Variants in FBXL17 observed in about 807,000 individuals in gnomAD.
FBXL17 encodes F-box and leucine rich repeat protein 17.
A neutral mutation model predicts 66.2 loss-of-function variants in FBXL17; 22 were observed. The ratio of observed to expected loss-of-function variants is 0.33; its 90% CI spans 0.24 to 0.47. The LOEUF (loss-of-function observed/expected upper bound fraction) is 0.47, where lower values mean the gene tolerates loss of function less well. Ranked by LOEUF, FBXL17 falls within the 20% of genes least tolerant of loss-of-function variation. The pLI is 1.00. For missense variants in FBXL17, 878 were observed against 948.2 expected, an observed-to-expected ratio of 0.93 and a Z score of 0.97; for synonymous variants, 474 against 400.5, an observed-to-expected ratio of 1.18 and a Z score of -2.19.
chr5:108,121,236 G>A (rs111869062), intron 6 of FBXL17, among the ~76,000 whole-genome samples: 15 of 152,162 alleles, frequency 9.9e-5, no homozygotes, highest in African/African-American at 3.6e-4. Context: ...GCTGAGGCAG[G>A]AGAATCACTT....
intron 4 of FBXL17, among the ~76,000 whole-genome samples, chr5:108,323,184 A>ATGATATTGT (rs1404170928): frequency 3.3e-5 from 5 of 151,968 alleles, no homozygotes; most frequent in African/African-American, 1.2e-4. Context: ...CACAGATGAC[A>ATGATATTGT]TGATATTGTA....
intron 7 of FBXL17, among the ~76,000 whole-genome samples, chr5:107,960,699 T>C (rs1384981531): frequency 1.3e-5 from 2 of 152,062 alleles, no homozygotes; most frequent in Admixed American, 1.3e-4. Flanking sequence ...AAATAAAAAA[T>C]ACAAATCCAG....
chr5:108,077,937 C>T lies in FBXL17; in HGVS notation c.1746-56936G>A, dbSNP rs376115556. 3.2e-4 allele frequency among the ~76,000 whole-genome samples: 48 copies of T among 152,270 alleles called. No homozygotes were observed. The South Asian group carries it at 7.2e-3, about 23-fold the overall frequency. On this transcript the variant is annotated intron_variant, in intron 6 of 8. Coordinates refer to ENST00000542267, the MANE Select transcript of FBXL17 (RefSeq NM_001163315.3). ...TGAACTTCAGGAGAACGCACACCAACTTACATATAAGCAGCCTTCATGTCT... is the reference window on the plus strand; with the variant it reads ...TGAACTTCAGGAGAACGCACACCAATTTACATATAAGCAGCCTTCATGTCT...
At chr5:108,294,122 T>C (rs991206790) in intron 4 of FBXL17, among the ~76,000 whole-genome samples, 1 of 148,598 alleles carries the variant, frequency 6.7e-6, no homozygotes, top group Non-Finnish European at 1.5e-5. Flanking sequence ...AGACATGATA[T>C]TAAAAAAACT....
At chr5:108,283,003 T>G (rs1005355194) in intron 4 of FBXL17, among the ~76,000 whole-genome samples, 1 of 150,914 alleles carries the variant, frequency 6.6e-6, no homozygotes, top group African/African-American at 2.4e-5. Flanking sequence ...AACTGTATTA[T>G]AGATGACAAA....
At chr5:108,119,039 A>C (rs1489775795) in intron 6 of FBXL17, among the ~76,000 whole-genome samples, 3 of 152,108 alleles carry the variant, frequency 2.0e-5, no homozygotes, top group African/African-American at 7.2e-5. Flanking sequence ...AAAGGCACTC[A>C]TTTCAAATTG....
chr5:108,303,920 C>A (rs1758717565), intron 4 of FBXL17, among the ~76,000 whole-genome samples: 1 of 151,966 alleles, frequency 6.6e-6, no homozygotes, highest in Non-Finnish European at 1.5e-5. Context: ...GTAACAAAAT[C>A]TCTCTGGCAT....
chr5:108,096,084 G>T (rs1189749893), intron 6 of FBXL17, among the ~76,000 whole-genome samples: 1 of 152,126 alleles, frequency 6.6e-6, no homozygotes, highest in African/African-American at 2.4e-5. Context: ...ACGCTTGTTT[G>T]CAATTCCATA....
At chr5:107,886,915 C>CAAAAA (rs33943440) in intron 7 of FBXL17, among the ~76,000 whole-genome samples, 44 of 129,652 alleles carry the variant, frequency 3.4e-4, no homozygotes, top group African/African-American at 1.2e-3. Flanking sequence ...TAATGAAATA[C>CAAAAA]AAAAAAAAAA....
At chr5:108,315,957 A>T (rs1369195485) in intron 4 of FBXL17, among the ~76,000 whole-genome samples, 1 of 151,480 alleles carries the variant, frequency 6.6e-6, no homozygotes, top group African/African-American at 2.4e-5. Flanking sequence ...TGGGCACAAA[A>T]CATAATTGGA....
At chr5:108,133,392 T>C (rs1279488496) in intron 6 of FBXL17, among the ~76,000 whole-genome samples, 1 of 152,190 alleles carries the variant, frequency 6.6e-6, no homozygotes, top group Admixed American at 6.5e-5. Context: ...ATTTGAATTC[T>C]ATGTGCCATG....
chr5:108,334,878 C>T (rs567644493), intron 4 of FBXL17, among the ~76,000 whole-genome samples: 2 of 152,138 alleles, frequency 1.3e-5, no homozygotes, highest in Admixed American at 6.5e-5. Context: ...CGAAGTCTTA[C>T]GCGGACCACG....
At chr5:108,101,028 A>C (rs553039170) in intron 6 of FBXL17, among the ~76,000 whole-genome samples, 45 of 152,324 alleles carry the variant, frequency 3.0e-4, no homozygotes, top group African/African-American at 1.0e-3. Flanking sequence ...GAAACAGTGA[A>C]TGTCTACACT....
chr5:108,372,451 T>C (rs28868900), intron 1 of FBXL17, among the ~76,000 whole-genome samples: 42,395 of 151,962 alleles, frequency 0.28, 6,496 homozygotes, highest in Middle Eastern at 0.36. Flanking sequence ...GCAGGATAAA[T>C]GCAAAAGGAT....
chr5:108,358,504 T>C (rs1328918490), intron 3 of FBXL17, among the ~76,000 whole-genome samples: 2 of 152,292 alleles, frequency 1.3e-5, no homozygotes, highest in African/African-American at 2.4e-5. Flanking sequence ...TATTTGTATG[T>C]TGAGCCACCC....
At chr5:108,357,080 T>C (rs1385647379) in intron 3 of FBXL17, among the ~76,000 whole-genome samples, 3 of 151,986 alleles carry the variant, frequency 2.0e-5, no homozygotes, top group South Asian at 2.1e-4. Context: ...GAACAGTGAA[T>C]AAAACTGTAA....
At chr5:107,883,707 A>T (rs1484718720) in intron 7 of FBXL17, among the ~76,000 whole-genome samples, 1 of 152,170 alleles carries the variant, frequency 6.6e-6, no homozygotes, top group African/African-American at 2.4e-5. Context: ...ACTGCTGTCA[A>T]TGCCCAGCAC....
intron 7 of FBXL17, among the ~76,000 whole-genome samples, chr5:107,902,986 C>T (rs1749625408): frequency 6.6e-6 from 1 of 152,054 alleles, no homozygotes; most frequent in African/African-American, 2.4e-5. Flanking sequence ...TGTGTTTTGT[C>T]TCAGTTAGTC....
chr5:108,294,231 A>G (rs150778522), intron 4 of FBXL17, among the ~76,000 whole-genome samples: 140 of 145,734 alleles, frequency 9.6e-4, no homozygotes, highest in African/African-American at 3.5e-3. Context: ...TATGGTATAT[A>G]TATATTCTTA....
Sources: allele counts gnomAD v4.1 joint callset (sites outside exome capture counted in the v4.1 genomes callset), GRCh38; gene constraint gnomAD v4.1.1; transcripts MANE v1.5; gene names NCBI Gene and HGNC (gene_info 2026-07-23, HGNC 2026-07-21).